The following PIK3R6 variants were observed in gnomAD, a reference collection of about 807,000 sequenced individuals.
PIK3R6 encodes the protein phosphoinositide-3-kinase regulatory subunit 6, also known as phosphoinositide 3-kinase regulatory subunit 6.
In PIK3R6, 91 loss-of-function variants were observed where a neutral mutation model predicts 84.9. That is an observed-to-expected ratio of 1.07 (90% CI 0.90 to 1.28). The LOEUF is 1.28. Among genes scored for constraint, PIK3R6 ranks in the 50% most tolerant of loss-of-function variants. PIK3R6 has a pLI of 0.00. For synonymous variants in PIK3R6, 416 were observed against 411.4 expected (o/e 1.01, Z -0.13); for missense variants, 996 against 985.1 (o/e 1.01, Z -0.15).
chr17:8,818,676 C>A (rs1031235338), intron 18 of PIK3R6, among the ~76,000 whole-genome samples: 2 of 152,002 alleles, frequency 1.3e-5, no homozygotes, highest in African/African-American at 4.8e-5. Flanking sequence ...TTGATATGAG[C>A]AAAGGCTAAA....
intron 5 of PIK3R6, 129 bp from the exon 6 acceptor site, chr17:8,837,052 C>G: frequency 1.4e-6 from 1 of 697,430 alleles, no homozygotes. Flanking sequence ...TCAGGCCTAA[C>G]AGCCAGACCT....
At chr17:8,827,632 T>C (rs912850171) in intron 12 of PIK3R6, among the ~76,000 whole-genome samples, 2 of 151,960 alleles carry the variant, frequency 1.3e-5, no homozygotes, top group Admixed American at 6.6e-5. Flanking sequence ...AGTGTGGCTC[T>C]GTCCCCACAA....
Position 8,828,996 on chromosome 17 carries a change from G to T in PIK3R6, c.890-6C>A, listed in dbSNP as rs752565093. ...GAAGAGCACCAGTTCCTTCCCTGGG[G>T]TGGGGGAACAAGGGCGGTGAGGACA... On this transcript the variant is annotated splice_region_variant and splice_polypyrimidine_tract_variant and intron_variant, in intron 10 of 19. Transcript: ENST00000619866. 6.7e-7 allele frequency: 1 copy of T among 1,495,102 alleles called. No homozygotes were observed. Among genetic ancestry groups the T allele is most frequent in the South Asian group, 1.4e-5 (1 of 72,726 alleles). 92.6% of individuals were successfully genotyped at this position (1,495,102 alleles called of 1,614,324 possible).
At chr17:8,856,381 C>G (rs2089141336) in intron 1 of PIK3R6, among the ~76,000 whole-genome samples, 1 of 152,210 alleles carries the variant, frequency 6.6e-6, no homozygotes, top group Non-Finnish European at 1.5e-5. Flanking sequence ...GCAGGTGGAT[C>G]ACTTGAGGTC....
chr17:8,823,990 T>C (rs2087835622), intron 13 of PIK3R6, among the ~76,000 whole-genome samples: 1 of 152,166 alleles, frequency 6.6e-6, no homozygotes, highest in African/African-American at 2.4e-5. Flanking sequence ...ACTAATTGGC[T>C]GGGTGTGGTG....
At chr17:8,829,122 C>T in intron 10 of PIK3R6, 132 bp from the exon 11 acceptor site, 1 of 870,472 alleles carries the variant, frequency 1.1e-6, no homozygotes, top group Non-Finnish European at 1.7e-6. Context: ...CACATATGAA[C>T]ATGCACAGAG....
In PIK3R6 at chr17:8,838,611, CG is replaced by C; in HGVS notation, c.141del (p.Gly48ValfsTer33). ...WSLHKKVERD[P>X]GKSPVLVRIL... The stretch of plus-strand genomic sequence containing the variant: ...ATGCGGACCAGCACTGGGCTCTTAC[CG>C]GGATCTCGCTCGACCTTCTTGTGCA... On this transcript the variant is annotated frameshift_variant, in exon 4 of 20. Coordinates refer to ENST00000619866, the MANE Select transcript of PIK3R6 (RefSeq NM_001010855.4). LOFTEE classifies it high-confidence loss of function. 2 of 1,607,312 alleles carry C rather than the reference CG, an allele frequency of 1.2e-6. No homozygotes were observed. Among genetic ancestry groups the C allele is most frequent in the Non-Finnish European group, 1.7e-6 (2 of 1,176,946 alleles).
chr17:8,827,547 T>C (rs1395905127), intron 12 of PIK3R6, among the ~76,000 whole-genome samples: 2 of 152,058 alleles, frequency 1.3e-5, no homozygotes, highest in African/African-American at 4.8e-5. Context: ...AAGTATGGCT[T>C]TGACCTTACT....
intron 9 of PIK3R6, among the ~76,000 whole-genome samples, chr17:8,831,328 TAAAAAA>T (rs60650147): frequency 3.0e-5 from 1 of 33,076 alleles, no homozygotes; most frequent in African/African-American, 1.4e-4. Context: ...AGACCCTGTC[TAAAAAA>T]AAAAAAAAAA....
At chr17:8,814,215 CTTTTTTT>C (rs112750429) in intron 18 of PIK3R6, among the ~76,000 whole-genome samples, 2 of 85,520 alleles carry the variant, frequency 2.3e-5, no homozygotes, top group African/African-American at 4.9e-5. Flanking sequence ...AGAGAGAGAT[CTTTTTTT>C]TTTTTTTTTT....
intron 1 of PIK3R6, among the ~76,000 whole-genome samples, chr17:8,860,214 G>C (rs565573941): frequency 1.7e-4 from 26 of 152,224 alleles, no homozygotes; most frequent in African/African-American, 5.3e-4. Flanking sequence ...TCCGTGGGCC[G>C]TTAGGAACTA....
intron 18 of PIK3R6, among the ~76,000 whole-genome samples, chr17:8,806,553 G>C (rs915851921): frequency 2.0e-5 from 3 of 152,176 alleles, no homozygotes; most frequent in Admixed American, 1.3e-4. Context: ...TTAGATTTTA[G>C]TCTATAAATG....
At position 8,810,749 on chromosome 17, in the gene PIK3R6, G is replaced by C. The variant is rs2087333650; in HGVS notation, c.1996-6596C>G. Among the ~76,000 whole-genome samples, 2 of 148,770 alleles carry C rather than the reference G, an allele frequency of 1.3e-5. 1 individual carries two copies. The highest frequency in any genetic ancestry group is 4.5e-4 in the South Asian group (2 of 4,408). On this transcript the variant is annotated intron_variant, in intron 18 of 19. Coordinates refer to ENST00000619866, the MANE Select transcript of PIK3R6 (RefSeq NM_001010855.4). ...CTTTGACTCCATGTCTCACATCCAGGTCACACTGTTGTGAGAGGTGGGTTC... is the reference window on the plus strand; with the variant it reads ...CTTTGACTCCATGTCTCACATCCAGCTCACACTGTTGTGAGAGGTGGGTTC...
rs924168056 is a variant in PIK3R6, at chr17:8,827,327, G to A, written c.1393-33C>T. ...AAAGGGGATGGGGCAGACCCGTCAG[G>A]CCCTCTCTCCAGCTCTGCCTTCCAG... On this transcript the variant is annotated intron_variant, in intron 12 of 19. Transcript: ENST00000619866. 1.0e-5 allele frequency: 16 copies of A among 1,543,996 alleles called. No homozygotes were observed. In the East Asian group the frequency reaches 3.9e-4, roughly 38 times the overall value.
intron 18 of PIK3R6, among the ~76,000 whole-genome samples, chr17:8,816,969 G>A (rs561279451): frequency 3.3e-5 from 5 of 152,244 alleles, no homozygotes; most frequent in Middle Eastern, 6.8e-3. Context: ...CTCACACTAC[G>A]CTTGTAATAG....
intron 17 of PIK3R6, among the ~76,000 whole-genome samples, chr17:8,820,307 G>A (rs2087693567): frequency 6.6e-6 from 1 of 151,888 alleles, no homozygotes; most frequent in African/African-American, 2.4e-5. Flanking sequence ...GGCTGGGAGT[G>A]GGGAGAGTCT....
At chr17:8,851,130 A>T (rs1375596727) in intron 1 of PIK3R6, among the ~76,000 whole-genome samples, 1 of 152,178 alleles carries the variant, frequency 6.6e-6, no homozygotes, top group African/African-American at 2.4e-5. Context: ...TAGTTAAAAA[A>T]AAAATGGATC....
chr17:8,866,952 C>T (rs377439841), intron 1 of PIK3R6, among the ~76,000 whole-genome samples: 2 of 152,176 alleles, frequency 1.3e-5, no homozygotes, highest in Non-Finnish European at 2.9e-5. Context: ...GGAAGAGAAT[C>T]AGCCAGACCA....
intron 18 of PIK3R6, among the ~76,000 whole-genome samples, chr17:8,811,809 C>T (rs2087366408): frequency 6.8e-6 from 1 of 148,126 alleles, no homozygotes; most frequent in Non-Finnish European, 1.5e-5. Flanking sequence ...TCCAAGCTTT[C>T]CCATTTTCCT....
Sources: allele counts gnomAD v4.1 joint callset (sites outside exome capture counted in the v4.1 genomes callset), GRCh38; gene constraint gnomAD v4.1.1; transcripts MANE v1.5; gene names NCBI Gene and HGNC (gene_info 2026-07-23, HGNC 2026-07-21).